Variants in LPP observed in about 807,000 individuals in gnomAD.
The protein encoded by LPP is LIM domain containing preferred translocation partner in lipoma.
LPP carries 38 observed loss-of-function variants against 60.4 expected under a neutral mutation model. The ratio of observed to expected loss-of-function variants is 0.63; its 90% CI spans 0.49 to 0.83. LPP has a LOEUF of 0.83. Ranked by LOEUF, LPP falls within the 40% of genes least tolerant of loss-of-function variation. LPP has a pLI of 0.00. For synonymous variants in LPP, 328 were observed against 290.8 expected, an observed-to-expected ratio of 1.13 and a Z score of -1.30; for missense variants, 902 against 783.6, an observed-to-expected ratio of 1.15 and a Z score of -1.80.
At chr3:188,329,352 T>C (rs1045592073) in intron 2 of LPP, among the ~76,000 whole-genome samples, 1 of 152,230 alleles carries the variant, frequency 6.6e-6, no homozygotes, top group Non-Finnish European at 1.5e-5. Context: ...AACTTCTTTG[T>C]CAGAGATGGT....
intron 9 of LPP, among the ~76,000 whole-genome samples, chr3:188,782,788 G>A (rs1740255125): frequency 6.6e-6 from 1 of 150,850 alleles, no homozygotes. Context: ...ATTATAAGTT[G>A]TGACCAGCCT....
chr3:188,474,943 G>T (rs910517483), intron 4 of LPP, among the ~76,000 whole-genome samples: 1 of 152,156 alleles, frequency 6.6e-6, no homozygotes, highest in Non-Finnish European at 1.5e-5. Flanking sequence ...ATACTTGGTG[G>T]ATTCAAAAGT....
chr3:188,583,003 C>G (rs959000302), intron 6 of LPP, among the ~76,000 whole-genome samples: 2 of 152,182 alleles, frequency 1.3e-5, no homozygotes, highest in African/African-American at 4.8e-5. Flanking sequence ...TCGCCCCAAT[C>G]TATCCACCAA....
chr3:188,448,155 C>T (rs1485001987), intron 4 of LPP, among the ~76,000 whole-genome samples: 17 of 152,122 alleles, frequency 1.1e-4, no homozygotes, highest in Non-Finnish European at 1.5e-5. Context: ...TTCATTAGGA[C>T]TATTTGTGTT....
At chr3:188,278,207 A>G (rs1463639852) in intron 2 of LPP, among the ~76,000 whole-genome samples, 1 of 152,212 alleles carries the variant, frequency 6.6e-6, no homozygotes, top group African/African-American at 2.4e-5. Context: ...TGGATTAGAA[A>G]GGTTTATGTA....
At chr3:188,276,919 T>TG (rs1278320478) in intron 2 of LPP, among the ~76,000 whole-genome samples, 2 of 114,332 alleles carry the variant, frequency 1.7e-5, no homozygotes, top group East Asian at 2.3e-4. Flanking sequence ...TTTTTTTTTT[T>TG]GGAGAGACAG....
In LPP at chr3:188,533,559, T is replaced by C. The variant is rs375674554; in HGVS notation, c.429+8772T>C. Among the ~76,000 whole-genome samples, 11 of 152,366 alleles carry C rather than the reference T, an allele frequency of 7.2e-5. No individual in the cohort carries two copies. The East Asian group carries it at 2.1e-3, about 29-fold the overall frequency. On this transcript the variant is annotated intron_variant, in intron 6 of 11. Coordinates refer to ENST00000617246, the MANE Select transcript of LPP (RefSeq NM_001375462.1). ...AAATAGATTTGTCTATGTATTGGCATTGTCTGCTTAATAATAACTTTCTTT... is the reference window on the plus strand; with the variant it reads ...AAATAGATTTGTCTATGTATTGGCACTGTCTGCTTAATAATAACTTTCTTT...
At chr3:188,399,692 A>G (rs1438029048) in intron 3 of LPP, among the ~76,000 whole-genome samples, 1 of 152,222 alleles carries the variant, frequency 6.6e-6, no homozygotes, top group Admixed American at 6.5e-5. Context: ...GTATATACAT[A>G]AAGATCCCCA....
intron 1 of LPP, among the ~76,000 whole-genome samples, chr3:188,181,408 C>T (rs1363336720): frequency 6.6e-6 from 1 of 150,472 alleles, no homozygotes; most frequent in East Asian, 1.9e-4. Context: ...TCATTTGCAA[C>T]AGCCAGTGTG....
intron 7 of LPP, among the ~76,000 whole-genome samples, chr3:188,703,893 G>A (rs1055063863): frequency 7.2e-5 from 11 of 152,034 alleles, no homozygotes; most frequent in African/African-American, 2.2e-4. Context: ...GGACAGGATC[G>A]GCCTTCTTGC....
At position 188,609,936 on chromosome 3, in the gene LPP, G is replaced by A; in HGVS notation, c.1113+92G>A. 1.6e-6 allele frequency: 2 copies of A among 1,235,988 alleles called. No homozygotes were observed. The highest frequency in any genetic ancestry group is 3.0e-5 in the South Asian group (2 of 67,264). 76.6% of individuals were successfully genotyped at this position (1,235,988 alleles called of 1,614,324 possible). On this transcript the variant is annotated intron_variant, in intron 7 of 11. Transcript: ENST00000617246. The surrounding 1 kb of genome is among the most constrained non-coding windows in gnomAD (Gnocchi z 6.9). ...AGCGAAGCCTAAGGCAAAAGTGTGT[G>A]TGTTACTTTTATTTCACTGACAAAT...
chr3:188,794,769 G>A (rs1277756506), intron 9 of LPP, among the ~76,000 whole-genome samples: 1 of 151,994 alleles, frequency 6.6e-6, no homozygotes, highest in East Asian at 1.9e-4. Context: ...GAAAAAAATG[G>A]CCCCAAGATT....
chr3:188,560,354 A>G (rs1441901516), intron 6 of LPP, among the ~76,000 whole-genome samples: 1 of 152,132 alleles, frequency 6.6e-6, no homozygotes, highest in Non-Finnish European at 1.5e-5. Context: ...TATGCAATTC[A>G]GTGAGGTCTC....
At chr3:188,541,253 C>G (rs887221797) in intron 6 of LPP, among the ~76,000 whole-genome samples, 6 of 152,154 alleles carry the variant, frequency 3.9e-5, no homozygotes, top group Admixed American at 3.9e-4. Flanking sequence ...TTACTGGGCT[C>G]TACCTTATGT....
At chr3:188,608,448 A>G (rs1355169245) in intron 6 of LPP, among the ~76,000 whole-genome samples, 1 of 152,100 alleles carries the variant, frequency 6.6e-6, no homozygotes, top group African/African-American at 2.4e-5. Context: ...CCTATCATCT[A>G]TTCTTTGCCC....
chr3:188,445,660 A>G (rs564242325), intron 4 of LPP, among the ~76,000 whole-genome samples: 20 of 152,236 alleles, frequency 1.3e-4, no homozygotes, highest in Non-Finnish European at 2.4e-4. Context: ...AGTAAAAAAG[A>G]CATTGATTCA....
At chr3:188,615,945 C>G (rs1482802683) in intron 7 of LPP, among the ~76,000 whole-genome samples, 1 of 152,098 alleles carries the variant, frequency 6.6e-6, no homozygotes, top group East Asian at 1.9e-4. Context: ...TTGTTTTTCT[C>G]TTGTAAATTT....
At chr3:188,281,734 A>T (rs1742149289) in intron 2 of LPP, among the ~76,000 whole-genome samples, 1 of 151,952 alleles carries the variant, frequency 6.6e-6, no homozygotes, top group Admixed American at 6.6e-5. Context: ...CTTTCTTCCA[A>T]GAAGTTACCG....
At chr3:188,443,064 T>C (rs1794412600) in intron 4 of LPP, among the ~76,000 whole-genome samples, 1 of 152,228 alleles carries the variant, frequency 6.6e-6, no homozygotes, top group Non-Finnish European at 1.5e-5. Context: ...GACAGGTTGA[T>C]GAAGGGATCA....
Sources: gnomAD v4.1 joint callset for allele counts (sites outside exome capture counted in the v4.1 genomes callset) on GRCh38, gnomAD v4.1.1 for gene constraint, Gnocchi (gnomAD v3.1) non-coding constraint, MANE v1.5 for transcripts, NCBI Gene and HGNC (gene_info 2026-07-23, HGNC 2026-07-21) for gene names.